Variants in PDE4D observed in about 807,000 individuals in gnomAD.
PDE4D encodes the protein 3',5'-cyclic-AMP phosphodiesterase 4D.
PDE4D carries 24 observed loss-of-function variants against 87.4 expected under a neutral mutation model. The observed-to-expected ratio is 0.27, with a 90% CI of 0.20 to 0.39. The LOEUF (loss-of-function observed/expected upper bound fraction) is 0.39, where lower values mean the gene tolerates loss of function less well. Among genes scored for constraint, PDE4D ranks in the 10% least tolerant of loss-of-function variants. The probability of loss-of-function intolerance (pLI) is 1.00; values close to 1 mark genes in which losing one functional copy is unlikely to be tolerated. For missense variants in PDE4D, 714 were observed against 1,041.0 expected (o/e 0.69, Z 4.32); for synonymous variants, 384 against 383.2 (o/e 1.00, Z -0.02).
At chr5:59,131,363 T>C (rs1776234873) in intron 5 of PDE4D, among the ~76,000 whole-genome samples, 1 of 152,180 alleles carries the variant, frequency 6.6e-6, no homozygotes, top group Non-Finnish European at 1.5e-5. Context: ...CTTTATTGAC[T>C]GATACACAAG....
At chr5:59,221,267 C>A (rs535996315) in intron 1 of PDE4D, among the ~76,000 whole-genome samples, 2 of 152,236 alleles carry the variant, frequency 1.3e-5, no homozygotes, top group South Asian at 2.1e-4. Context: ...TCCTCACCTG[C>A]AGGGAACTTT....
intron 1 of PDE4D, among the ~76,000 whole-genome samples, chr5:60,204,082 AAAGAAG>A (rs1479448854): frequency 6.6e-6 from 1 of 152,182 alleles, no homozygotes; most frequent in Non-Finnish European, 1.5e-5. Context: ...CTGTAAATTA[AAAGAAG>A]AAAGCACCAC....
intron 1 of PDE4D, among the ~76,000 whole-genome samples, chr5:59,583,196 T>C (rs994543811): frequency 2.6e-5 from 4 of 152,232 alleles, no homozygotes; most frequent in African/African-American, 9.6e-5. Flanking sequence ...TATATATCTT[T>C]TAAGTCAGGC....
At chr5:60,174,072 G>A (rs2910829) in intron 2 of PDE4D, among the ~76,000 whole-genome samples, 77,550 of 151,964 alleles carry the variant, frequency 0.51, 20,142 homozygotes, top group Admixed American at 0.54. Context: ...TTTGGGAAAT[G>A]TTGTGTAGAT....
chr5:59,279,023 T>C (rs1165933550), intron 1 of PDE4D, among the ~76,000 whole-genome samples: 1 of 152,172 alleles, frequency 6.6e-6, no homozygotes, highest in Non-Finnish European at 1.5e-5. Context: ...GTAATTTTAC[T>C]ATACAACTCA....
chr5:60,387,565 C>T (rs1398371808), intron 1 of PDE4D, among the ~76,000 whole-genome samples: 1 of 152,172 alleles, frequency 6.6e-6, no homozygotes, highest in South Asian at 2.1e-4. Flanking sequence ...TGTACTGACC[C>T]CCTCTTTCCA....
intron 1 of PDE4D, among the ~76,000 whole-genome samples, chr5:59,668,154 C>T (rs2150314414): frequency 6.6e-6 from 1 of 152,272 alleles, no homozygotes; most frequent in East Asian, 1.9e-4. Flanking sequence ...TCAGGTACTC[C>T]TCTGTAATTG....
intron 1 of PDE4D, among the ~76,000 whole-genome samples, chr5:59,557,573 A>C (rs1819171748): frequency 6.6e-6 from 1 of 152,172 alleles, no homozygotes; most frequent in South Asian, 2.1e-4. Context: ...ATACTTCAGA[A>C]ATAATTTAGT....
In PDE4D at chr5:59,887,270, G is replaced by GAATATA. The variant is rs1750304287; in HGVS notation, c.455+5897_455+5898insTATATT. 2.0e-5 allele frequency among the ~76,000 whole-genome samples: 3 copies of GAATATA among 152,192 alleles called. No homozygotes were observed. The South Asian group carries it at 6.2e-4, about 32-fold the overall frequency. On this transcript the variant is annotated intron_variant, in intron 1 of 14. Transcript: ENST00000340635. ...GTATGGTGAGGTTTGGGGCAATGGTGGTATGTGTGAATATAGGGTCCAACC... is the reference window on the plus strand; with the variant it reads ...GTATGGTGAGGTTTGGGGCAATGGTGAATATAGTATGTGTGAATATAGGGTCCAACC...
intron 1 of PDE4D, among the ~76,000 whole-genome samples, chr5:59,515,171 CT>C (rs1810946247): frequency 6.6e-6 from 1 of 152,204 alleles, no homozygotes; most frequent in Non-Finnish European, 1.5e-5. Flanking sequence ...GTTACCAAAA[CT>C]AATCAAAGAT....
At chr5:59,435,048 A>G (rs910288950) in intron 1 of PDE4D, among the ~76,000 whole-genome samples, 2 of 152,128 alleles carry the variant, frequency 1.3e-5, no homozygotes, top group Non-Finnish European at 2.9e-5. Context: ...AGTCAGAGTT[A>G]GGAACCAATT....
intron 2 of PDE4D, among the ~76,000 whole-genome samples, chr5:59,201,687 A>C (rs1177416060): frequency 6.6e-6 from 1 of 152,218 alleles, no homozygotes; most frequent in Admixed American, 6.5e-5. Context: ...TAAGCAGTAC[A>C]TCTATTTATG....
intron 3 of PDE4D, among the ~76,000 whole-genome samples, chr5:59,915,717 T>C (rs568695482): frequency 2.0e-5 from 3 of 152,196 alleles, no homozygotes; most frequent in Non-Finnish European, 4.4e-5. Context: ...ATTGTATTAC[T>C]TTTCCCTCTC....
intron 1 of PDE4D, 115 bp from the exon 2 acceptor site, chr5:59,216,083 A>C: frequency 1.5e-6 from 1 of 684,426 alleles, no homozygotes; most frequent in Non-Finnish European, 2.4e-6. Flanking sequence ...AATGAAAATT[A>C]CAGCTAATTT....
intron 1 of PDE4D, among the ~76,000 whole-genome samples, chr5:59,779,111 G>T (rs529702655): frequency 6.6e-6 from 1 of 151,760 alleles, no homozygotes; most frequent in African/African-American, 2.4e-5. Context: ...GCAGTGAGCC[G>T]AGATTGCACC....
intron 1 of PDE4D, among the ~76,000 whole-genome samples, chr5:60,322,367 T>TATACACAC (rs1314745373): frequency 7.5e-6 from 1 of 132,724 alleles, no homozygotes; most frequent in Non-Finnish European, 1.6e-5. Context: ...TGGACACACA[T>TATACACAC]ACACACACAC....
chr5:59,697,739 G>C (rs917945778), intron 1 of PDE4D, among the ~76,000 whole-genome samples: 1 of 152,160 alleles, frequency 6.6e-6, no homozygotes, highest in African/African-American at 2.4e-5. Flanking sequence ...CTGCTATTCT[G>C]ATGAGTTGTT....
chr5:60,229,258 C>T (rs1368774120), intron 1 of PDE4D, among the ~76,000 whole-genome samples: 1 of 152,094 alleles, frequency 6.6e-6, no homozygotes, highest in Non-Finnish European at 1.5e-5. Flanking sequence ...CTTTGGTCCT[C>T]TTTTAAGAGC....
intron 5 of PDE4D, chr5:59,039,556 G>A: frequency 1.0e-6 from 1 of 979,036 alleles, no homozygotes; most frequent in Non-Finnish European, 1.2e-6. Context: ...CAGGCGCAGC[G>A]CGGCTCCAAC....
Sources: allele counts gnomAD v4.1 joint callset (sites outside exome capture counted in the v4.1 genomes callset), GRCh38; gene constraint gnomAD v4.1.1; transcripts MANE v1.5; gene names NCBI Gene and HGNC (gene_info 2026-07-23, HGNC 2026-07-21).